PRDM16: variants seen among roughly 807,000 people sequenced by gnomAD.
PRDM16 encodes histone-lysine N-methyltransferase PRDM16.
A neutral mutation model predicts 110.6 loss-of-function variants in PRDM16; 23 were observed. The observed-to-expected ratio is 0.21, with a 90% CI of 0.15 to 0.29. The LOEUF is 0.29. Ranked by LOEUF, PRDM16 falls within the 10% of genes least tolerant of loss-of-function variation. The probability of loss-of-function intolerance (pLI) is 1.00; values close to 1 mark genes in which losing one functional copy is unlikely to be tolerated. For missense variants in PRDM16, 1,615 were observed against 1,794.3 expected (o/e 0.90, Z 1.81); for synonymous variants, 799 against 781.8 (o/e 1.02, Z -0.37).
At chr1:3,407,532 G>A (rs557665080) in intron 8 of PRDM16, among the ~76,000 whole-genome samples, 6 of 152,222 alleles carry the variant, frequency 3.9e-5, no homozygotes, top group Non-Finnish European at 8.8e-5. Context: ...GGGGCGGGGG[G>A]TGACTGCTCC....
chr1:3,079,556 G>T (rs940215248), intron 1 of PRDM16, among the ~76,000 whole-genome samples: 1 of 152,196 alleles, frequency 6.6e-6, no homozygotes, highest in Non-Finnish European at 1.5e-5. Context: ...CCCCAGGGAC[G>T]TGCCACAGGA....
rs897662978 is a variant in PRDM16 at position 3,124,988 on chromosome 1, G to C, written c.37+55692G>C. Among the ~76,000 whole-genome samples, 62 of 152,228 alleles carry C rather than the reference G, an allele frequency of 4.1e-4. 3 individuals carry two copies. ...GGGTTCCAGCTCCCGCAATGTTCAG[G>C]TTCCTGTCAGCTCCGCAGGAGCCCC... On this transcript the variant is annotated intron_variant, in intron 1 of 16. Coordinates refer to ENST00000270722, the MANE Select transcript of PRDM16 (RefSeq NM_022114.4).
At chr1:3,408,766 G>C (rs2493301) in intron 8 of PRDM16, among the ~76,000 whole-genome samples, 19,706 of 146,800 alleles carry the variant, frequency 0.13, 1,362 homozygotes, top group Middle Eastern at 0.2. Flanking sequence ...ACACGTGAGA[G>C]TGCATGAGTG....
At chr1:3,227,575 C>A (rs1307981271) in intron 2 of PRDM16, among the ~76,000 whole-genome samples, 1 of 152,260 alleles carries the variant, frequency 6.6e-6, no homozygotes, top group Non-Finnish European at 1.5e-5. Context: ...TGCACTCTAG[C>A]AGCCAGTGCC....
At chr1:3,385,648 G>C (rs576314706) in intron 4 of PRDM16, among the ~76,000 whole-genome samples, 2 of 152,214 alleles carry the variant, frequency 1.3e-5, no homozygotes, top group South Asian at 4.1e-4. Flanking sequence ...GAGAAGCATA[G>C]AGCAGGAACA....
At chr1:3,150,406 A>C (rs1173377923) in intron 1 of PRDM16, among the ~76,000 whole-genome samples, 1 of 151,790 alleles carries the variant, frequency 6.6e-6, no homozygotes, top group African/African-American at 2.4e-5. Flanking sequence ...AAAAAAAAAA[A>C]AAATCAGCTG....
rs1308129818 is a variant in PRDM16 at position 3,417,720 on chromosome 1, A to G, written c.2692-108A>G. 8 of 961,726 alleles carry G rather than the reference A, an allele frequency of 8.3e-6. No individual in the cohort carries two copies. In the East Asian group the frequency reaches 2.0e-4, roughly 24 times the overall value. The allele number at this position is 961,726 out of a possible 1,614,324, so 59.6% of individuals were successfully genotyped here. A position where few individuals can be genotyped will look rare whatever the true frequency, so the allele number is the denominator to read the frequency against. ...TAGGAGACCATTGCTTCCAGTGCCC[A>G]CCTGAGCACCCTAAGATATGCTGTT... is the stretch of plus-strand genomic sequence containing the variant. On this transcript the variant is annotated intron_variant, in intron 10 of 16. Coordinates refer to ENST00000270722, the MANE Select transcript of PRDM16 (RefSeq NM_022114.4).
chr1:3,109,844 C>A (rs552555233), intron 1 of PRDM16, among the ~76,000 whole-genome samples: 1 of 152,218 alleles, frequency 6.6e-6, no homozygotes. Flanking sequence ...AGGGGAAGCT[C>A]ATTTGTGTTG....
chr1:3,254,262 C>T (rs1640000615), intron 3 of PRDM16, among the ~76,000 whole-genome samples: 1 of 152,142 alleles, frequency 6.6e-6, no homozygotes, highest in Non-Finnish European at 1.5e-5. Context: ...AAAAGGGATG[C>T]CCTCTCTCAC....
Position 3,437,909 on chromosome 1 carries a change from T to G in PRDM16, c.*4098T>G. On this transcript the variant is annotated 3_prime_UTR_variant, in exon 17 of 17. Coordinates refer to ENST00000270722, the MANE Select transcript of PRDM16 (RefSeq NM_022114.4). ...TGAGCCCTGGTGTCAGAGTCGTAAT[T>G]TAAAGCGTGTGTGTATATGGACTTT... 1 of 220,798 alleles carries G rather than the reference T, an allele frequency of 4.5e-6. No homozygotes were observed. The highest frequency in any genetic ancestry group is 9.1e-6 in the Non-Finnish European group (1 of 110,160). The allele number at this position is 220,798 out of a possible 1,614,324, so 13.7% of individuals were successfully genotyped here.
chr1:3,331,490 C>A (rs1210108309), intron 3 of PRDM16, among the ~76,000 whole-genome samples: 1 of 152,164 alleles, frequency 6.6e-6, no homozygotes, highest in Admixed American at 6.5e-5. Flanking sequence ...GAGCGAATAG[C>A]CCAGGCTCCA....
At chr1:3,408,560 G>A (rs1266539187) in intron 8 of PRDM16, among the ~76,000 whole-genome samples, 4 of 145,770 alleles carry the variant, frequency 2.7e-5, no homozygotes, top group African/African-American at 1.0e-4. Context: ...GCTGGTGCAT[G>A]TGTCGGTGCG....
intron 1 of PRDM16, among the ~76,000 whole-genome samples, chr1:3,134,495 C>A (rs1392024113): frequency 6.6e-6 from 1 of 152,252 alleles, no homozygotes; most frequent in South Asian, 2.1e-4. Context: ...TCCCGCACAG[C>A]CTCTGGCATC....
At chr1:3,334,186 G>A (rs539871201) in intron 3 of PRDM16, among the ~76,000 whole-genome samples, 29 of 152,316 alleles carry the variant, frequency 1.9e-4, no homozygotes, top group African/African-American at 6.3e-4. Flanking sequence ...CCCCGAGGAC[G>A]AGTGTTTACC....
Position 3,388,343 on chromosome 1 carries a change from C to G in PRDM16, c.573+3057C>G, listed in dbSNP as rs536210135. ...CTCTTTCAAGATTGCACACACACCC[C>G]CACCTCTAATACAGCACAGACACAG... On this transcript the variant is annotated intron_variant, in intron 4 of 16. Coordinates refer to ENST00000270722, the MANE Select transcript of PRDM16 (RefSeq NM_022114.4). 8.5e-5 allele frequency among the ~76,000 whole-genome samples: 13 copies of G among 152,226 alleles called. No homozygotes were observed. The East Asian group carries it at 2.5e-3, about 29-fold the overall frequency.
At chr1:3,164,083 G>GC (rs1334355941) in intron 1 of PRDM16, among the ~76,000 whole-genome samples, 1 of 152,234 alleles carries the variant, frequency 6.6e-6, no homozygotes. Context: ...TGGGCCACTG[G>GC]CCCGCTGCGC....
rs1446586962 is a variant in PRDM16 at position 3,393,591 on chromosome 1, C to T, written c.574-2900C>T. On this transcript the variant is annotated intron_variant, in intron 4 of 16. Transcript: ENST00000270722. ...AGCCGGCGCAGGCTGGGTCCGCAGA[C>T]GCCCGGTTCCCACCGCGGCCGGCCC... Among the ~76,000 whole-genome samples, 6 of 152,188 alleles carry T rather than the reference C, an allele frequency of 3.9e-5. No individual in the cohort carries two copies. The East Asian group carries it at 7.7e-4, about 20-fold the overall frequency.
At chr1:3,324,882 C>T (rs1318562791) in intron 3 of PRDM16, among the ~76,000 whole-genome samples, 3 of 152,144 alleles carry the variant, frequency 2.0e-5, no homozygotes, top group Non-Finnish European at 4.4e-5. Context: ...AGAACCCTGC[C>T]CTGGGCCAGA....
chr1:3,408,765 AGT>A (rs1368755078), intron 8 of PRDM16, among the ~76,000 whole-genome samples: 2 of 134,606 alleles, frequency 1.5e-5, no homozygotes, highest in Admixed American at 7.3e-5. Context: ...CACACGTGAG[AGT>A]GCATGAGTGT....
Sources: gnomAD v4.1 joint callset for allele counts (sites outside exome capture counted in the v4.1 genomes callset) on GRCh38, gnomAD v4.1.1 for gene constraint, MANE v1.5 for transcripts, NCBI Gene and HGNC (gene_info 2026-07-23, HGNC 2026-07-21) for gene names.